AGBL4: variants seen among roughly 807,000 people sequenced by gnomAD.
The protein encoded by AGBL4 is AGBL carboxypeptidase 4.
Under a neutral mutation model 66.4 loss-of-function variants are expected in AGBL4, and 58 were observed. The ratio of observed to expected loss-of-function variants is 0.87; its 90% CI spans 0.71 to 1.09. AGBL4 has a LOEUF of 1.09. Among genes scored for constraint, AGBL4 ranks in the 50% least tolerant of loss-of-function variants. AGBL4 has a pLI of 0.00. For missense variants in AGBL4, 579 were observed against 631.0 expected (o/e 0.92, Z 0.88); for synonymous variants, 234 against 222.9 (o/e 1.05, Z -0.44).
chr1:49,660,594 T>A (rs1433460409), intron 3 of AGBL4, among the ~76,000 whole-genome samples: 1 of 152,158 alleles, frequency 6.6e-6, no homozygotes, highest in African/African-American at 2.4e-5. Flanking sequence ...AGCAATCCCA[T>A]TACTGGGTAT....
chr1:49,823,320 G>C (rs1006899436), intron 2 of AGBL4, among the ~76,000 whole-genome samples: 2 of 152,082 alleles, frequency 1.3e-5, no homozygotes, highest in Non-Finnish European at 2.9e-5. Flanking sequence ...CTAGTGGGCT[G>C]GAAAAATTAT....
chr1:48,645,368 A>C (rs1325949606), intron 8 of AGBL4, among the ~76,000 whole-genome samples: 1 of 152,102 alleles, frequency 6.6e-6, no homozygotes, highest in Admixed American at 6.5e-5. Context: ...CTTTGCTTCA[A>C]GAAGGAGAGT....
intron 1 of AGBL4, among the ~76,000 whole-genome samples, chr1:49,884,316 C>T (rs1471876771): frequency 6.6e-6 from 1 of 151,840 alleles, no homozygotes; most frequent in Non-Finnish European, 1.5e-5. Flanking sequence ...ATGTAAAACA[C>T]ATGTAAATTA....
At chr1:49,433,002 C>T (rs75097551) in intron 3 of AGBL4, among the ~76,000 whole-genome samples, 1,990 of 152,206 alleles carry the variant, frequency 0.013, 12 homozygotes, top group Non-Finnish European at 0.02. Flanking sequence ...CATAATGAAG[C>T]CTCCAAAAAA....
chr1:49,884,579 C>T (rs1298292707), intron 1 of AGBL4, among the ~76,000 whole-genome samples: 1 of 151,620 alleles, frequency 6.6e-6, no homozygotes, highest in Non-Finnish European at 1.5e-5. Flanking sequence ...TTAAATTACA[C>T]ACTAAAACAC....
intron 3 of AGBL4, among the ~76,000 whole-genome samples, chr1:49,458,455 G>A (rs1032841363): frequency 1.3e-5 from 2 of 151,522 alleles, no homozygotes; most frequent in Admixed American, 1.3e-4. Flanking sequence ...TTTTTTAGAT[G>A]AGTCTTTAGG....
intron 3 of AGBL4, among the ~76,000 whole-genome samples, chr1:49,680,062 T>C (rs1190434369): frequency 2.0e-5 from 3 of 147,948 alleles, no homozygotes; most frequent in Admixed American, 6.8e-5. Context: ...TTTTTTTTTT[T>C]TTTTTTTGAG....
chr1:49,210,736 T>C (rs573515477), intron 4 of AGBL4, among the ~76,000 whole-genome samples: 2 of 152,164 alleles, frequency 1.3e-5, no homozygotes, highest in Non-Finnish European at 2.9e-5. Flanking sequence ...CCTTATAAAA[T>C]ATCTTTATAT....
At chr1:49,523,458 G>C (rs971654937) in intron 3 of AGBL4, among the ~76,000 whole-genome samples, 1 of 152,050 alleles carries the variant, frequency 6.6e-6, no homozygotes, top group Non-Finnish European at 1.5e-5. Context: ...ATAGTGCTTT[G>C]TGTAGCACTG....
At chr1:48,899,039 C>T (rs992522402) in intron 5 of AGBL4, among the ~76,000 whole-genome samples, 3 of 152,196 alleles carry the variant, frequency 2.0e-5, no homozygotes, top group Non-Finnish European at 4.4e-5. Flanking sequence ...TTGGACGTGG[C>T]GGGGCTGGGT....
intron 3 of AGBL4, among the ~76,000 whole-genome samples, chr1:49,408,141 T>A (rs1467964027): frequency 6.6e-6 from 1 of 152,140 alleles, no homozygotes; most frequent in African/African-American, 2.4e-5. Flanking sequence ...CAGCCTCAGG[T>A]AAGAGATTGC....
intron 3 of AGBL4, among the ~76,000 whole-genome samples, chr1:49,333,174 TATAATA>T (rs200800782): frequency 2.6e-5 from 4 of 151,280 alleles, no homozygotes; most frequent in East Asian, 1.9e-4. Flanking sequence ...GAACTTAAAG[TATAATA>T]ATAATAATAA....
chr1:48,638,097 C>G (rs1391954057), intron 8 of AGBL4, among the ~76,000 whole-genome samples: 1 of 152,240 alleles, frequency 6.6e-6, no homozygotes, highest in Non-Finnish European at 1.5e-5. Context: ...ATGTCACCAG[C>G]TTGCTCTAGG....
intron 3 of AGBL4, among the ~76,000 whole-genome samples, chr1:49,446,694 C>A (rs1460891601): frequency 6.6e-6 from 1 of 152,082 alleles, no homozygotes; most frequent in African/African-American, 2.4e-5. Flanking sequence ...ACATGGATGT[C>A]CTGGTGTGGA....
At chr1:49,548,014 C>T (rs542060881) in intron 3 of AGBL4, among the ~76,000 whole-genome samples, 91 of 152,182 alleles carry the variant, frequency 6.0e-4, no homozygotes, top group Admixed American at 2.7e-3. Context: ...CCTTGTGATC[C>T]GCCTGCCTTG....
intron 1 of AGBL4, among the ~76,000 whole-genome samples, chr1:50,014,827 A>G (rs1437279120): frequency 6.6e-6 from 1 of 152,024 alleles, no homozygotes; most frequent in Non-Finnish European, 1.5e-5. Flanking sequence ...GCCCAGCCAA[A>G]AGGATTTTTA....
intron 5 of AGBL4, among the ~76,000 whole-genome samples, chr1:48,916,733 G>A (rs963149436): frequency 1.3e-5 from 2 of 152,144 alleles, no homozygotes; most frequent in African/African-American, 2.4e-5. Flanking sequence ...TCCACCAGGG[G>A]GTATCCCAGA....
At position 49,941,422 on chromosome 1, in the gene AGBL4, T is replaced by C. The variant is rs544740488; in HGVS notation, c.34+82341A>G. Among the ~76,000 whole-genome samples, 26 of 152,046 alleles carry C rather than the reference T, an allele frequency of 1.7e-4. 2 individuals carry two copies. The South Asian group carries it at 5.4e-3, about 32-fold the overall frequency. On this transcript the variant is annotated intron_variant, in intron 1 of 13. Coordinates refer to ENST00000371839, the MANE Select transcript of AGBL4 (RefSeq NM_032785.4). ...TGACACCAAAGTCAAAGCAAATTAC[T>C]ACAAGAAAAGAAAAATATAGGCCAA...
At chr1:49,049,678 A>AT (rs1557597164) in intron 4 of AGBL4, among the ~76,000 whole-genome samples, 1 of 152,114 alleles carries the variant, frequency 6.6e-6, no homozygotes, top group East Asian at 1.9e-4. Flanking sequence ...ACTCTTTAAC[A>AT]TTCAGCTGAA....
Sources: allele counts gnomAD v4.1 joint callset (sites outside exome capture counted in the v4.1 genomes callset), GRCh38; gene constraint gnomAD v4.1.1; transcripts MANE v1.5; gene names NCBI Gene and HGNC (gene_info 2026-07-23, HGNC 2026-07-21).